TCF3: variants seen among roughly 807,000 people sequenced by gnomAD.
TCF3 encodes the protein transcription factor 3, also known as transcription factor E2-alpha.
TCF3 carries 54 observed loss-of-function variants against 72.3 expected under a neutral mutation model. The ratio of observed to expected loss-of-function variants is 0.75; its 90% CI spans 0.60 to 0.94. TCF3 has a LOEUF of 0.94. TCF3 is among the 40% of genes least tolerant of loss of function. TCF3 has a pLI of 0.00. For missense variants in TCF3, 1,078 were observed against 934.4 expected (o/e 1.15, Z -2.00); for synonymous variants, 525 against 412.6 (o/e 1.27, Z -3.30).
Position 1,611,556 on chromosome 19 carries a change from C to A in TCF3, c.*151G>T. 8.7e-7 allele frequency: 1 copy of A among 1,146,794 alleles called. No individual in the cohort carries two copies. Among genetic ancestry groups the A allele is most frequent in the African/African-American group, 1.6e-5 (1 of 63,654 alleles). The allele number at this position is 1,146,794 out of a possible 1,614,324, so 71.0% of individuals were successfully genotyped here. A position where few individuals can be genotyped will look rare whatever the true frequency, so the allele number is the denominator to read the frequency against. On this transcript the variant is annotated 3_prime_UTR_variant, in exon 19 of 19. Transcript: ENST00000262965. ...CCAGTGTCACCTTGGCCGCCCCCAT[C>A]ACTCCGAACCTTGTCAGGTTGGTGT...
chr19:1,634,045 T>TG, intron 3 of TCF3, among the ~76,000 whole-genome samples: 1 of 152,322 alleles, frequency 6.6e-6, no homozygotes, highest in East Asian at 1.9e-4. Context: ...GGGGACCTCC[T>TG]GGGGCCCCAT....
chr19:1,626,573 C>T (rs943160573), intron 6 of TCF3, among the ~76,000 whole-genome samples: 1 of 152,198 alleles, frequency 6.6e-6, no homozygotes, highest in East Asian at 1.9e-4. Context: ...GTGTGGCCAC[C>T]GCGGGGCTCG....
intron 3 of TCF3, among the ~76,000 whole-genome samples, chr19:1,642,129 TACACACACACACACACACACACAC>T (rs10531649): frequency 2.0e-5 from 3 of 147,244 alleles, no homozygotes; most frequent in African/African-American, 7.6e-5. Context: ...TGCACAGAAC[TACACACACACACACACACACACAC>T]ACACACACAC....
At chr19:1,629,030 C>A (rs1482303816) in intron 5 of TCF3, among the ~76,000 whole-genome samples, 1 of 66,184 alleles carries the variant, frequency 1.5e-5, no homozygotes, top group African/African-American at 8.1e-5. Flanking sequence ...AAGGGGACAG[C>A]AGAGCTCACG....
In TCF3 at chr19:1,632,108, G is replaced by A. The variant is rs371002999; in HGVS notation, c.228C>T (p.Ser76=). ...GCGACTCAGTGAAGTGGGTGCCCTC[G>A]CTGAAGGTCTAGGGGAGATGGGGTG... ...SSSFDPSRTF[S]EGTHFTESHS... The change falls in exon 5 of 19, where the codon AGC becomes AGT. Residue 76 remains serine (S), a synonymous_variant. Transcript: ENST00000262965. The A allele has an allele frequency of 9.3e-6, 15 of 1,613,022 alleles. No homozygotes were observed. The Admixed American group carries it at 1.3e-4, about 14-fold the overall frequency.
chr19:1,630,255 G>T (rs979640611), intron 5 of TCF3, among the ~76,000 whole-genome samples: 1 of 152,202 alleles, frequency 6.6e-6, no homozygotes, highest in Non-Finnish European at 1.5e-5. Context: ...CCCCCGGCAG[G>T]GGGGCGGGGC....
intron 3 of TCF3, among the ~76,000 whole-genome samples, chr19:1,634,498 T>C (rs991892198): frequency 6.6e-6 from 1 of 152,188 alleles, no homozygotes; most frequent in Non-Finnish European, 1.5e-5. Flanking sequence ...TCAGTTCCAA[T>C]TCCAGTCACG....
At position 1,610,989 on chromosome 19, in the gene TCF3, T is replaced by C. The variant is rs576847972; in HGVS notation, c.*718A>G. On this transcript the variant is annotated 3_prime_UTR_variant, in exon 19 of 19. Coordinates refer to ENST00000262965, the MANE Select transcript of TCF3 (RefSeq NM_003200.5). ...GTCTTTTTAATACAACGTTTAATCA[T>C]CTGGTTGATCAAGAAATGCAATGCT... is the stretch of plus-strand genomic sequence containing the variant. The C allele has an allele frequency of 2.8e-5, 6 of 215,096 alleles. No individual in the cohort carries two copies. In the East Asian group the frequency reaches 3.4e-4, roughly 12 times the overall value. 13.3% of individuals were successfully genotyped at this position (215,096 alleles called of 1,614,324 possible).
chr19:1,623,933 C>A lies in TCF3; in HGVS notation c.549+18G>T. 6.2e-7 allele frequency: 1 copy of A among 1,612,956 alleles called. No homozygotes were observed. The highest frequency in any genetic ancestry group is 8.5e-7 in the Non-Finnish European group (1 of 1,179,686). On this transcript the variant is annotated intron_variant, in intron 8 of 18. Transcript: ENST00000262965. ...CCACTGACGAGCTGTGGGGTCCCTT[C>A]TCCCTCGTGCGACTCACCGAGGATG...
At chr19:1,644,718 C>T (rs188233652) in intron 3 of TCF3, among the ~76,000 whole-genome samples, 1 of 152,282 alleles carries the variant, frequency 6.6e-6, no homozygotes, top group East Asian at 1.9e-4. Flanking sequence ...CACCACAGCT[C>T]TGGTTACCCA....
chr19:1,612,360 G>T, intron 18 of TCF3: 1 of 1,613,922 alleles, frequency 6.2e-7, no homozygotes, highest in Non-Finnish European at 8.5e-7. Flanking sequence ...ACCCGCTCCC[G>T]CGCGTTATTG....
chr19:1,621,384 C>G (rs2062185716), intron 11 of TCF3, among the ~76,000 whole-genome samples, 193 bp from the exon 12 acceptor site: 1 of 152,250 alleles, frequency 6.6e-6, no homozygotes, highest in Non-Finnish European at 1.5e-5. Flanking sequence ...AGGCCACTGG[C>G]AGGGGACCCT....
intron 8 of TCF3, 89 bp from the exon 9 acceptor site, chr19:1,622,504 G>A: frequency 1.5e-6 from 1 of 675,880 alleles, no homozygotes; most frequent in Non-Finnish European, 2.3e-6. Flanking sequence ...TCCCCTCCTG[G>A]TAGCACATCT....
chr19:1,630,541 G>A (rs905120472), intron 5 of TCF3, among the ~76,000 whole-genome samples: 7 of 152,274 alleles, frequency 4.6e-5, no homozygotes, highest in African/African-American at 1.7e-4. Flanking sequence ...CAACAATGCC[G>A]AGGGGTACAC....
At chr19:1,629,423 C>T (rs1027770729) in intron 5 of TCF3, among the ~76,000 whole-genome samples, 3 of 152,150 alleles carry the variant, frequency 2.0e-5, no homozygotes, top group African/African-American at 7.2e-5. Context: ...TTCCCTGGGG[C>T]GCTCAGTGAC....
At position 1,625,442 on chromosome 19, in the gene TCF3, G is replaced by T. The variant is rs1243642566; in HGVS notation, c.499+134C>A. On this transcript the variant is annotated intron_variant, in intron 7 of 18. Coordinates refer to ENST00000262965, the MANE Select transcript of TCF3 (RefSeq NM_003200.5). ...CGTCCATCCCTCCCACGGCCCGAGC[G>T]CCCGACGTCCAGCCAGGACCTGGAA... is the stretch of plus-strand genomic sequence containing the variant. 2.5e-6 allele frequency: 3 copies of T among 1,188,622 alleles called. No individual in the cohort carries two copies. The South Asian group carries it at 6.8e-5, about 27-fold the overall frequency. The allele number at this position is 1,188,622 out of a possible 1,614,324, so 73.6% of individuals were successfully genotyped here. A position where few individuals can be genotyped will look rare whatever the true frequency, so the allele number is the denominator to read the frequency against.
At chr19:1,619,577 C>A in intron 14 of TCF3, 103 bp from the exon 15 acceptor site, 1 of 1,452,302 alleles carries the variant, frequency 6.9e-7, no homozygotes, top group Non-Finnish European at 9.1e-7. Context: ...TCCCATCTTC[C>A]CCTTCCCCAG....
At chr19:1,631,662 A>G (rs2144886289) in intron 5 of TCF3, among the ~76,000 whole-genome samples, 1 of 152,048 alleles carries the variant, frequency 6.6e-6, no homozygotes, top group African/African-American at 2.4e-5. Flanking sequence ...ACCACCGCAC[A>G]CTCTGGCCGC....
In TCF3 at chr19:1,622,333, G is replaced by A. The variant is rs551790548; in HGVS notation, c.632C>T (p.Pro211Leu). Residue 211 changes from proline (P) to leucine (L), a missense_variant, in exon 9 of 19, where the codon CCC becomes CTC. Pro to Leu is a moderately conservative substitution (Grantham distance 98). Coordinates refer to ENST00000262965, the MANE Select transcript of TCF3 (RefSeq NM_003200.5). ...PSAKTPSSTY[P>L]APFYVADGSL... ...TGTACCTGCCACGTAGAAGGGGGCG[G>A]GATAGGTGCTGCTGGGGGTCTTGGC... 12 of 1,536,704 alleles carry A rather than the reference G, an allele frequency of 7.8e-6. No individual in the cohort carries two copies. Among genetic ancestry groups the A allele is most frequent in the Admixed American group, 2.0e-5 (1 of 50,814 alleles).
Sources: allele counts gnomAD v4.1 joint callset (sites outside exome capture counted in the v4.1 genomes callset), GRCh38; gene constraint gnomAD v4.1.1; transcripts MANE v1.5; gene names NCBI Gene and HGNC (gene_info 2026-07-23, HGNC 2026-07-21).